The following FGD3 variants were observed in gnomAD, a reference collection of about 807,000 sequenced individuals.
FGD3 encodes the protein FYVE, RhoGEF and PH domain containing 3.
FGD3 carries 45 observed loss-of-function variants against 71.8 expected under a neutral mutation model. That is an observed-to-expected ratio of 0.63 (90% CI 0.49 to 0.80). The LOEUF (loss-of-function observed/expected upper bound fraction) is 0.80. Ranked by LOEUF, FGD3 falls within the 30% of genes least tolerant of loss-of-function variation. The pLI, the probability that FGD3 is intolerant of heterozygous loss-of-function variation, is 0.00. For missense variants in FGD3, 844 were observed against 951.5 expected (o/e 0.89, Z 1.49); for synonymous variants, 378 against 392.8 (o/e 0.96, Z 0.44).
intron 1 of FGD3, among the ~76,000 whole-genome samples, chr9:92,954,542 G>T (rs1464815621): frequency 6.6e-6 from 1 of 152,166 alleles, no homozygotes; most frequent in Non-Finnish European, 1.5e-5. Flanking sequence ...GAAGGGCAGG[G>T]GCCGGGGTCA....
At chr9:93,014,688 C>T (rs1248856535) in intron 9 of FGD3, among the ~76,000 whole-genome samples, 3 of 152,162 alleles carry the variant, frequency 2.0e-5, no homozygotes, top group Non-Finnish European at 2.9e-5. Context: ...GTCACCCAGG[C>T]TGGAGTACAG....
At chr9:92,965,277 A>G (rs1162861224) in intron 1 of FGD3, among the ~76,000 whole-genome samples, 2 of 152,214 alleles carry the variant, frequency 1.3e-5, no homozygotes, top group African/African-American at 2.4e-5. Context: ...TGCCACTGCC[A>G]TTCAGATCGG....
chr9:92,987,481 A>G (rs1860234386), intron 3 of FGD3, among the ~76,000 whole-genome samples: 1 of 151,938 alleles, frequency 6.6e-6, no homozygotes, highest in African/African-American at 2.4e-5. Flanking sequence ...AGAGGAAACA[A>G]CAGACATTGC....
At chr9:93,000,276 T>C (rs931786135) in intron 3 of FGD3, among the ~76,000 whole-genome samples, 1 of 152,232 alleles carries the variant, frequency 6.6e-6, no homozygotes, top group African/African-American at 2.4e-5. Context: ...TATTTATTCA[T>C]ATAGATTTAA....
intron 13 of FGD3, 180 bp downstream of exon 13, chr9:93,020,604 A>G: frequency 1.7e-6 from 1 of 595,614 alleles, no homozygotes; most frequent in Non-Finnish European, 3.0e-6. Context: ...ATTAAATTTA[A>G]CAATTTAATT....
intron 1 of FGD3, among the ~76,000 whole-genome samples, chr9:92,966,498 C>T (rs1859331835): frequency 6.6e-6 from 1 of 152,254 alleles, no homozygotes; most frequent in Non-Finnish European, 1.5e-5. Flanking sequence ...CTCCAGGACC[C>T]CCTGCTCTGT....
rs371244406 is a variant in FGD3 at position 93,013,881 on chromosome 9, C to T, written c.1065C>T (p.Tyr355=). 74 of 1,612,554 alleles carry T rather than the reference C, an allele frequency of 4.6e-5. No individual in the cohort carries two copies. The highest frequency in any genetic ancestry group is 5.9e-5 in the Non-Finnish European group (70 of 1,179,534). The stretch of plus-strand genomic sequence containing the variant: ...AAATGCACAAGCTCTTGGAGGTGTA[C>T]GAGCAGCTGGGTGGGGAAGAAGACA... ...VEKMHKLLEV[Y]EQLGGEEDIV... Residue 355 remains tyrosine, a synonymous_variant, in exon 9 of 18, where the codon TAC becomes TAT. Transcript: ENST00000375482.
intron 3 of FGD3, among the ~76,000 whole-genome samples, chr9:92,987,751 G>A (rs912737442): frequency 6.6e-6 from 1 of 152,210 alleles, no homozygotes; most frequent in African/African-American, 2.4e-5. Context: ...GGCCGTATGT[G>A]TAGTGTGTTT....
At chr9:92,953,493 G>A (rs1016954148) in intron 1 of FGD3, among the ~76,000 whole-genome samples, 2 of 152,204 alleles carry the variant, frequency 1.3e-5, no homozygotes, top group African/African-American at 4.8e-5. Context: ...AAGAAATGAG[G>A]TATAGTGAGT....
intron 1 of FGD3, among the ~76,000 whole-genome samples, chr9:92,952,276 G>A (rs1412168318): frequency 3.6e-5 from 5 of 138,760 alleles, no homozygotes; most frequent in Non-Finnish European, 7.6e-5. Flanking sequence ...TTGCTCTGTC[G>A]CCCGGGCTGG....
chr9:92,976,579 A>G lies in FGD3; in HGVS notation c.323A>G (p.His108Arg). ...AGPSPTVLGA[H>R]AEMALDSQVP... ...CCAAGCCCCACTGTACTGGGGGCGC[A>G]CGCAGAGATGGCCCTGGACAGCCAG... The change falls in exon 3 of 18, where the codon CAC becomes CGC. Residue 108 changes from histidine (H) to arginine (R), a missense_variant. Transcript: ENST00000375482. The G allele has an allele frequency of 6.2e-7, 1 of 1,612,714 alleles. No individual in the cohort carries two copies. The highest frequency in any genetic ancestry group is 1.7e-5 in the Admixed American group (1 of 59,976).
intron 3 of FGD3, among the ~76,000 whole-genome samples, chr9:92,980,125 A>G (rs1253940940): frequency 3.9e-5 from 6 of 151,940 alleles, no homozygotes; most frequent in African/African-American, 7.3e-5. Context: ...GGTTCAAGCA[A>G]TTCTCCCGCC....
At chr9:92,963,011 C>T (rs981747343) in intron 1 of FGD3, among the ~76,000 whole-genome samples, 6 of 152,052 alleles carry the variant, frequency 3.9e-5, no homozygotes, top group East Asian at 1.9e-4. Context: ...CCCATGCGTC[C>T]GAGCTCAGGT....
chr9:93,016,780 C>G (rs929822304), intron 10 of FGD3, among the ~76,000 whole-genome samples: 2 of 151,886 alleles, frequency 1.3e-5, no homozygotes, highest in Non-Finnish European at 2.9e-5. Flanking sequence ...CGCGCCACCA[C>G]GCCCAGCTAA....
At chr9:92,972,267 G>A (rs1020825257) in intron 1 of FGD3, among the ~76,000 whole-genome samples, 8 of 151,342 alleles carry the variant, frequency 5.3e-5, no homozygotes, top group African/African-American at 1.7e-4. Flanking sequence ...TGGCCAACAT[G>A]GTGAAAACCC....
At chr9:92,986,649 T>C (rs1273270137) in intron 3 of FGD3, among the ~76,000 whole-genome samples, 2 of 152,140 alleles carry the variant, frequency 1.3e-5, no homozygotes, top group Non-Finnish European at 2.9e-5. Context: ...AGGTACTAAC[T>C]CAAAAAAGCA....
In FGD3 at chr9:93,035,442, C is replaced by T. The variant is rs779699084; in HGVS notation, c.2031C>T (p.Ala677=). ...GGCATGTGTGGAAGCTGCAGTGGGC[C>T]AAGCAGTCCTGGTACCTGAGCGCCT... The part of the protein sequence containing the change: ...DSGHVWKLQW[A]KQSWYLSASS... Residue 677 remains alanine, a synonymous_variant, in exon 18 of 18, where the codon GCC becomes GCT. Coordinates refer to ENST00000375482, the MANE Select transcript of FGD3 (RefSeq NM_001083536.2). 6.2e-7 allele frequency: 1 copy of T among 1,612,928 alleles called. No individual in the cohort carries two copies. Among genetic ancestry groups the T allele is most frequent in the Non-Finnish European group, 8.5e-7 (1 of 1,179,664 alleles).
Position 93,035,755 on chromosome 9 carries a change from G to T in FGD3, c.*166G>T, listed in dbSNP as rs1310942749. On this transcript the variant is annotated 3_prime_UTR_variant, in exon 18 of 18. Coordinates refer to ENST00000375482, the MANE Select transcript of FGD3 (RefSeq NM_001083536.2). ...GGAAGGAAACTGAGGCCCAGAGAGG[G>T]GCAACCACTGGCCAAGGGTCACCCA... The T allele has an allele frequency of 2.9e-6, 3 of 1,042,828 alleles. No individual in the cohort carries two copies. The highest frequency in any genetic ancestry group is 4.0e-6 in the Non-Finnish European group (3 of 755,444). 64.6% of individuals were successfully genotyped at this position (1,042,828 alleles called of 1,614,324 possible). A position where few individuals can be genotyped will look rare whatever the true frequency, so the allele number is the denominator to read the frequency against.
intron 1 of FGD3, among the ~76,000 whole-genome samples, chr9:92,958,607 T>G (rs1859108903): frequency 1.3e-5 from 2 of 152,252 alleles, no homozygotes; most frequent in Non-Finnish European, 2.9e-5. Flanking sequence ...GTGTGTGGCT[T>G]AGTGCCTTTT....
Sources: allele counts gnomAD v4.1 joint callset (sites outside exome capture counted in the v4.1 genomes callset), GRCh38; gene constraint gnomAD v4.1.1; transcripts MANE v1.5; gene names NCBI Gene and HGNC (gene_info 2026-07-23, HGNC 2026-07-21).